The following PLXNC1 variants were observed in gnomAD, a reference collection of about 807,000 sequenced individuals.
PLXNC1 encodes the protein plexin-C1.
PLXNC1 carries 75 observed loss-of-function variants against 178.2 expected under a neutral mutation model. The observed-to-expected ratio is 0.42, with a 90% CI of 0.35 to 0.51. The LOEUF is 0.51. Among genes scored for constraint, PLXNC1 ranks in the 20% least tolerant of loss-of-function variants. PLXNC1 has a pLI of 0.02. For missense variants in PLXNC1, 1,503 were observed against 1,984.4 expected (o/e 0.76, Z 4.61); for synonymous variants, 790 against 779.9 (o/e 1.01, Z -0.22).
At chr12:94,215,183 C>T (rs1963608136) in intron 5 of PLXNC1, among the ~76,000 whole-genome samples, 1 of 152,182 alleles carries the variant, frequency 6.6e-6, no homozygotes, top group African/African-American at 2.4e-5. Flanking sequence ...CAGGCGTGAG[C>T]CACCGTGCCC....
chr12:94,254,925 TTTTATA>T, intron 16 of PLXNC1, 37 bp downstream of exon 16: 1 of 1,477,466 alleles, frequency 6.8e-7, no homozygotes, highest in African/African-American at 1.4e-5. Context: ...AAAACAAGCC[TTTTATA>T]TTTATACTTT....
At chr12:94,299,095 TG>T (rs556562188) in intron 27 of PLXNC1, among the ~76,000 whole-genome samples, 34 of 152,322 alleles carry the variant, frequency 2.2e-4, no homozygotes, top group African/African-American at 6.5e-4. Flanking sequence ...AATTAACATT[TG>T]TGGTTTTATA....
intron 3 of PLXNC1, among the ~76,000 whole-genome samples, chr12:94,184,527 A>G (rs947308809): frequency 1.3e-5 from 2 of 151,668 alleles, no homozygotes; most frequent in Non-Finnish European, 2.9e-5. Context: ...AGTTCAAGAG[A>G]TTCTCCTGCC....
intron 1 of PLXNC1, among the ~76,000 whole-genome samples, chr12:94,153,157 C>T (rs953231078): frequency 6.6e-6 from 1 of 152,206 alleles, no homozygotes; most frequent in South Asian, 2.1e-4. Context: ...GCTAAAGATC[C>T]GTTAAGCAGC....
intron 2 of PLXNC1, among the ~76,000 whole-genome samples, chr12:94,175,015 G>T (rs1280516715): frequency 2.0e-5 from 3 of 152,182 alleles, no homozygotes; most frequent in Admixed American, 6.5e-5. Context: ...AGAGAAATTT[G>T]CCTTGATCTT....
intron 2 of PLXNC1, among the ~76,000 whole-genome samples, chr12:94,179,162 C>T (rs1317835561): frequency 6.6e-6 from 1 of 152,218 alleles, no homozygotes; most frequent in Non-Finnish European, 1.5e-5. Context: ...TTTGGCTAAA[C>T]AGCAAATCCC....
chr12:94,206,155 C>A (rs1186532178), intron 4 of PLXNC1, among the ~76,000 whole-genome samples: 3 of 152,144 alleles, frequency 2.0e-5, no homozygotes, highest in African/African-American at 7.2e-5. Context: ...AGGAAGCAAA[C>A]CCACTGTATA....
chr12:94,227,711 T>C (rs1341911080), intron 9 of PLXNC1, among the ~76,000 whole-genome samples: 2 of 152,194 alleles, frequency 1.3e-5, no homozygotes, highest in Admixed American at 1.3e-4. Flanking sequence ...TGTTATAGAA[T>C]GTGTATTTCT....
rs2136063432 is a variant in PLXNC1, at chr12:94,248,016, T to C, written c.2502T>C (p.Asp834=). The stretch of plus-strand genomic sequence containing the variant: ...TGAGAGTACAAGACACCTACTTGGA[T>C]TGTGGAACCCTGCAGTATCGGGAGG... ...VKLRVQDTYL[D]CGTLQYREDP... The change falls in exon 13 of 31, where the codon GAT becomes GAC. Residue 834 remains aspartate (D), a synonymous_variant. Transcript: ENST00000258526. 1.2e-6 allele frequency: 2 copies of C among 1,614,154 alleles called. No homozygotes were observed. Among genetic ancestry groups the C allele is most frequent in the African/African-American group, 1.3e-5 (1 of 75,038 alleles).
rs566713957 is a variant in PLXNC1, at chr12:94,204,017, A to T, written c.1440-5573A>T. Among the ~76,000 whole-genome samples, 11 of 152,256 alleles carry T rather than the reference A, an allele frequency of 7.2e-5. 1 individual carries two copies. The highest frequency in any genetic ancestry group is 2.6e-4 in the African/African-American group (11 of 41,550). Reference sequence around the variant, plus strand: ...TTGCTCTTCCACCTCCTGCCATGGGATGATTCAGCAATAAGGCCCTCGCCA... The same window carrying T: ...TTGCTCTTCCACCTCCTGCCATGGGTTGATTCAGCAATAAGGCCCTCGCCA... On this transcript the variant is annotated intron_variant, in intron 4 of 30. Transcript: ENST00000258526.
intron 21 of PLXNC1, chr12:94,278,083 C>CGA: frequency 2.2e-6 from 1 of 455,874 alleles, no homozygotes; most frequent in Non-Finnish European, 4.4e-6. Flanking sequence ...TCTGTATGGG[C>CGA]GAGCATCTTC....
rs1305191238 is a variant in PLXNC1 at position 94,149,240 on chromosome 12, C to T, written c.269C>T (p.Pro90Leu). The T allele has an allele frequency of 1.3e-6, 2 of 1,562,380 alleles. No individual in the cohort carries two copies. Among genetic ancestry groups the T allele is most frequent in the Non-Finnish European group, 1.7e-6 (2 of 1,161,106 alleles). The change falls in exon 1 of 31, where the codon CCG becomes CTG. Residue 90 changes from proline to leucine, a missense_variant. Around this residue, in one of 4 missense-constraint regions of PLXNC1, gnomAD observed 176 missense variants for 180.7 expected, o/e 0.97. Coordinates refer to ENST00000258526, the MANE Select transcript of PLXNC1 (RefSeq NM_005761.3). ...GACCAAGCGGGCAACTGCACAGAGC[C>T]GGTCTCGCTGGCGCCCCCCGCGCGG... is the stretch of plus-strand genomic sequence containing the variant. ...YRDQAGNCTE[P>L]VSLAPPARPR...
In PLXNC1 at chr12:94,306,168, T is replaced by A. The variant is rs1183930234; in HGVS notation, c.*883T>A. The A allele has an allele frequency of 6.6e-6, 1 of 152,056 alleles. No individual in the cohort carries two copies. Among genetic ancestry groups the A allele is most frequent in the Non-Finnish European group, 1.5e-5 (1 of 68,006 alleles). 9.4% of individuals were successfully genotyped at this position (152,056 alleles called of 1,614,324 possible). ...GTAACTCCATTTCTATATGAGTGAGTGTCTCCTTGCTTTAGATTTCTGGTG... is the reference window on the plus strand; with the variant it reads ...GTAACTCCATTTCTATATGAGTGAGAGTCTCCTTGCTTTAGATTTCTGGTG... On this transcript the variant is annotated 3_prime_UTR_variant, in exon 31 of 31. Transcript: ENST00000258526.
intron 24 of PLXNC1, 118 bp from the exon 25 acceptor site, chr12:94,297,071 A>AGAGAGCTCAAGTC: frequency 1.1e-6 from 1 of 951,798 alleles, no homozygotes; most frequent in Non-Finnish European, 1.7e-6. Context: ...AGCTCAAGTC[A>AGAGAGCTCAAGTC]AAAAGCTCAA....
At chr12:94,212,273 C>CAAAAAAAAAAAAA (rs146191533) in intron 5 of PLXNC1, among the ~76,000 whole-genome samples, 1 of 89,156 alleles carries the variant, frequency 1.1e-5, no homozygotes. Flanking sequence ...GACTCCGTCT[C>CAAAAAAAAAAAAA]AAAAAAAAAA....
chr12:94,231,315 T>C (rs2136037103), intron 9 of PLXNC1, among the ~76,000 whole-genome samples: 1 of 152,116 alleles, frequency 6.6e-6, no homozygotes, highest in South Asian at 2.1e-4. Context: ...AGCCAGAAGA[T>C]TCCAGGACAC....
chr12:94,235,979 G>A (rs971146989), intron 9 of PLXNC1, among the ~76,000 whole-genome samples: 3 of 152,158 alleles, frequency 2.0e-5, no homozygotes, highest in Non-Finnish European at 4.4e-5. Context: ...ACGTAAGAGC[G>A]AAGAGTAAGC....
At chr12:94,251,863 G>A (rs1964702141) in intron 15 of PLXNC1, among the ~76,000 whole-genome samples, 2 of 152,234 alleles carry the variant, frequency 1.3e-5, no homozygotes, top group South Asian at 4.1e-4. Flanking sequence ...GTGATGGCAG[G>A]TGCCTGTAAT....
chr12:94,240,213 C>T (rs1964351379), intron 10 of PLXNC1, among the ~76,000 whole-genome samples: 2 of 152,170 alleles, frequency 1.3e-5, no homozygotes, highest in African/African-American at 4.8e-5. Context: ...TCTATTAGTA[C>T]TTCTTCAGGG....
Sources: allele counts gnomAD v4.1 joint callset (sites outside exome capture counted in the v4.1 genomes callset), GRCh38; gene constraint gnomAD v4.1.1; regional missense constraint gnomAD v4.1.1; transcripts MANE v1.5; gene names NCBI Gene and HGNC (gene_info 2026-07-23, HGNC 2026-07-21).